CFDP1: variants seen among roughly 807,000 people sequenced by gnomAD.
CFDP1 encodes chromatin remodeling protein CFDP1, also known as heterochromatin-stabilizing protein CFDP1.
Under a neutral mutation model 40.1 loss-of-function variants are expected in CFDP1, and 31 were observed. That is an observed-to-expected ratio of 0.77 (90% confidence interval 0.58 to 1.04). The LOEUF (loss-of-function observed/expected upper bound fraction) is 1.04, where lower values mean the gene tolerates loss of function less well. CFDP1 is among the 50% of genes least tolerant of loss of function. The pLI, the probability that CFDP1 is intolerant of heterozygous loss-of-function variation, is 0.00. For synonymous variants in CFDP1, 167 were observed against 120.0 expected (o/e 1.39, Z -2.56); for missense variants, 423 against 343.4 (o/e 1.23, Z -1.83).
chr16:75,433,341 G>A lies in CFDP1; in HGVS notation c.12C>T (p.Phe4=), dbSNP rs1352181744. 6.3e-7 allele frequency: 1 copy of A among 1,596,006 alleles called. No homozygotes were observed. The highest frequency in any genetic ancestry group is 1.1e-5 in the South Asian group (1 of 88,772). MEE[F]DSEDFSTSEE... The stretch of plus-strand genomic sequence containing the variant: ...CCGACGTAGAGAAGTCTTCGGAGTC[G>A]AATTCCTCCATGTTGCTGCCGCTCG... Residue 4 remains phenylalanine (F), a synonymous_variant, in exon 1 of 7, where the codon TTC becomes TTT. Coordinates refer to ENST00000283882, the MANE Select transcript of CFDP1 (RefSeq NM_006324.3).
chr16:75,364,554 T>C (rs963149091), intron 5 of CFDP1, among the ~76,000 whole-genome samples: 3 of 152,232 alleles, frequency 2.0e-5, no homozygotes, highest in Non-Finnish European at 1.5e-5. Context: ...GACGGTGTTA[T>C]TGCTCTGACA....
At chr16:75,326,123 T>G (rs2078399097) in intron 5 of CFDP1, among the ~76,000 whole-genome samples, 1 of 152,246 alleles carries the variant, frequency 6.6e-6, no homozygotes, top group African/African-American at 2.4e-5. Context: ...AAAGTGATAT[T>G]GGAGTCATTT....
At chr16:75,384,228 A>G (rs916455460) in intron 5 of CFDP1, among the ~76,000 whole-genome samples, 30 of 152,020 alleles carry the variant, frequency 2.0e-4, no homozygotes, top group African/African-American at 7.0e-4. Flanking sequence ...ATGGTGGCAC[A>G]TGCCTGTAAT....
At chr16:75,338,460 C>T (rs1207867759) in intron 5 of CFDP1, among the ~76,000 whole-genome samples, 1 of 152,124 alleles carries the variant, frequency 6.6e-6, no homozygotes, top group Non-Finnish European at 1.5e-5. Context: ...TACAGATGAG[C>T]ATCTTAAAGA....
In CFDP1 at chr16:75,302,415, G is replaced by A. The variant is rs140885981; in HGVS notation, c.809+2609C>T. Among the ~76,000 whole-genome samples the A allele has an allele frequency of 9.5e-3, 1,448 of 152,202 alleles. 10 individuals are homozygous for A. The highest frequency in any genetic ancestry group is 0.034 in the Middle Eastern group (10 of 294). On this transcript the variant is annotated intron_variant, in intron 6 of 6. Transcript: ENST00000283882. ...AACTGGGACTACAGGTGTGCACCACGTCCAACTAATGTTTTTGATTTTTAG... is the reference window on the plus strand; with the variant it reads ...AACTGGGACTACAGGTGTGCACCACATCCAACTAATGTTTTTGATTTTTAG...
At chr16:75,297,145 C>T (rs993715680) in intron 6 of CFDP1, among the ~76,000 whole-genome samples, 29 of 139,146 alleles carry the variant, frequency 2.1e-4, no homozygotes, top group African/African-American at 7.1e-4. Flanking sequence ...CTTCCCATTT[C>T]TTGTGTGTGT....
In CFDP1 at chr16:75,311,904, A is replaced by G. The variant is rs199694221; in HGVS notation, c.651-6722T>C. ...ATAGGCTCATACAATTGCATCCATC[A>G]GGAATTTTTGTAGCTCATTCATGAA... On this transcript the variant is annotated intron_variant, in intron 5 of 6. Coordinates refer to ENST00000283882, the MANE Select transcript of CFDP1 (RefSeq NM_006324.3). 1.1e-4 allele frequency among the ~76,000 whole-genome samples: 17 copies of G among 151,920 alleles called. No individual in the cohort carries two copies. The East Asian group carries it at 2.7e-3, about 24-fold the overall frequency.
chr16:75,368,129 T>C (rs2078728738), intron 5 of CFDP1, among the ~76,000 whole-genome samples: 1 of 152,182 alleles, frequency 6.6e-6, no homozygotes, highest in African/African-American at 2.4e-5. Context: ...AACGGTCAAA[T>C]GGAATATGTG....
chr16:75,433,467 C>A lies in CFDP1; in HGVS notation c.-115G>T. On this transcript the variant is annotated 5_prime_UTR_variant, in exon 1 of 7. Transcript: ENST00000283882. ...CGGCGGCGACGGCAGCTAGGGCGGC[C>A]CCCGACAGCGCTTTGCACATGCGCA... The A allele has an allele frequency of 2.1e-6, 2 of 950,972 alleles. No homozygotes were observed. Among genetic ancestry groups the A allele is most frequent in the Admixed American group, 2.1e-5 (1 of 48,270 alleles). 58.9% of individuals were successfully genotyped at this position (950,972 alleles called of 1,614,324 possible).
chr16:75,390,535 T>G (rs1028155243), intron 5 of CFDP1, among the ~76,000 whole-genome samples: 1 of 152,232 alleles, frequency 6.6e-6, no homozygotes, highest in Non-Finnish European at 1.5e-5. Context: ...CAGCTGTCTT[T>G]GCTGTATTCG....
chr16:75,430,148 T>C (rs2079393395), intron 1 of CFDP1, among the ~76,000 whole-genome samples: 1 of 147,584 alleles, frequency 6.8e-6, no homozygotes, highest in South Asian at 2.2e-4. Flanking sequence ...ATAGAGGTTG[T>C]GGAGACCAGA....
At chr16:75,404,245 T>C (rs888164912) in intron 4 of CFDP1, among the ~76,000 whole-genome samples, 2 of 151,428 alleles carry the variant, frequency 1.3e-5, no homozygotes, top group Non-Finnish European at 3.0e-5. Flanking sequence ...TTTTTCTTTT[T>C]TTTTTTTTGA....
intron 5 of CFDP1, among the ~76,000 whole-genome samples, chr16:75,371,460 A>G (rs991449826): frequency 1.2e-4 from 18 of 152,194 alleles, no homozygotes; most frequent in Non-Finnish European, 2.4e-4. Flanking sequence ...ATGGGGGGCG[A>G]GGTTAAAAAA....
intron 5 of CFDP1, among the ~76,000 whole-genome samples, chr16:75,357,693 A>T (rs1878771232): frequency 6.6e-6 from 1 of 152,164 alleles, no homozygotes; most frequent in Non-Finnish European, 1.5e-5. Context: ...GGCTTAAGGG[A>T]ATGTTGTGTG....
intron 1 of CFDP1, among the ~76,000 whole-genome samples, chr16:75,432,325 C>T (rs1305740449): frequency 2.1e-5 from 3 of 144,396 alleles, no homozygotes; most frequent in African/African-American, 7.6e-5. Flanking sequence ...CACTTGAGCC[C>T]ACGAGTTCGA....
intron 5 of CFDP1, among the ~76,000 whole-genome samples, chr16:75,364,455 G>A (rs1387797808): frequency 6.6e-6 from 1 of 152,102 alleles, no homozygotes; most frequent in Non-Finnish European, 1.5e-5. Context: ...AAAGGTTAAA[G>A]CTATTTTCAT....
At chr16:75,395,243 A>G (rs768830117) in intron 4 of CFDP1, 34 bp from the exon 5 acceptor site, 2 of 1,607,638 alleles carry the variant, frequency 1.2e-6, no homozygotes, top group South Asian at 1.1e-5. Flanking sequence ...AGCTTACAAG[A>G]AGAATAAAGA....
intron 1 of CFDP1, among the ~76,000 whole-genome samples, chr16:75,426,864 G>A (rs2079347935): frequency 6.6e-6 from 1 of 152,024 alleles, no homozygotes; most frequent in Non-Finnish European, 1.5e-5. Context: ...AGACCAGCCT[G>A]GCAAACATGG....
At chr16:75,295,472 C>G (rs1189514092) in intron 6 of CFDP1, among the ~76,000 whole-genome samples, 2 of 152,226 alleles carry the variant, frequency 1.3e-5, no homozygotes, top group East Asian at 3.8e-4. Context: ...CTACATCACA[C>G]AGGGCACAGA....
Sources: allele counts gnomAD v4.1 joint callset (sites outside exome capture counted in the v4.1 genomes callset), GRCh38; gene constraint gnomAD v4.1.1; transcripts MANE v1.5; gene names NCBI Gene and HGNC (gene_info 2026-07-23, HGNC 2026-07-21).